NAALADL2: variants seen among roughly 807,000 people sequenced by gnomAD.
NAALADL2 encodes the protein N-acetylated alpha-linked acidic dipeptidase like 2, also known as inactive N-acetylated-alpha-linked acidic dipeptidase-like protein 2.
NAALADL2 carries 76 observed loss-of-function variants against 87.2 expected under a neutral mutation model. That is an observed-to-expected ratio of 0.87 (90% CI 0.72 to 1.05). NAALADL2 has a LOEUF of 1.05. Among genes scored for constraint, NAALADL2 ranks in the 50% least tolerant of loss-of-function variants. NAALADL2 has a pLI of 0.00. For synonymous variants in NAALADL2, 354 were observed against 331.0 expected, an observed-to-expected ratio of 1.07 and a Z score of -0.75; for missense variants, 1,089 against 945.8, an observed-to-expected ratio of 1.15 and a Z score of -1.99.
At chr3:175,317,345 G>A (rs553157383) in intron 4 of NAALADL2, among the ~76,000 whole-genome samples, 2 of 112,054 alleles carry the variant, frequency 1.8e-5, no homozygotes, top group East Asian at 3.8e-4. Context: ...AGCAGGGTTA[G>A]CACATTAAAA....
intron 4 of NAALADL2, among the ~76,000 whole-genome samples, chr3:175,278,453 C>G (rs919139692): frequency 1.3e-5 from 2 of 152,062 alleles, no homozygotes; most frequent in Non-Finnish European, 2.9e-5. Flanking sequence ...ATTTGAAGTT[C>G]AAAAGAACAA....
At chr3:174,583,509 C>G (rs536505443) in intron 2 of NAALADL2, among the ~76,000 whole-genome samples, 1 of 152,218 alleles carries the variant, frequency 6.6e-6, no homozygotes, top group African/African-American at 2.4e-5. Flanking sequence ...AATATAGAAC[C>G]TATCCAAGGT....
At chr3:175,175,153 A>G (rs1735526683) in intron 2 of NAALADL2, among the ~76,000 whole-genome samples, 1 of 152,036 alleles carries the variant, frequency 6.6e-6, no homozygotes, top group East Asian at 1.9e-4. Flanking sequence ...TGTAATATAA[A>G]TGTGCAGAGC....
intron 13 of NAALADL2, among the ~76,000 whole-genome samples, chr3:175,755,964 G>A (rs1055374961): frequency 6.6e-5 from 10 of 152,092 alleles, no homozygotes; most frequent in Non-Finnish European, 1.0e-4. Context: ...ATGGAAGGTG[G>A]ATTAGATACA....
At chr3:174,450,024 C>T (rs1161260053) in intron 1 of NAALADL2, among the ~76,000 whole-genome samples, 1 of 144,468 alleles carries the variant, frequency 6.9e-6, no homozygotes, top group South Asian at 2.2e-4. Flanking sequence ...CATACATACA[C>T]ACACACACAC....
At chr3:175,639,791 G>C (rs1729053253) in intron 11 of NAALADL2, among the ~76,000 whole-genome samples, 1 of 152,090 alleles carries the variant, frequency 6.6e-6, no homozygotes, top group Admixed American at 6.5e-5. Flanking sequence ...GTTACAGTGG[G>C]TACTTTAACT....
intron 2 of NAALADL2, among the ~76,000 whole-genome samples, chr3:175,187,892 TGTAA>T (rs1193899299): frequency 2.0e-5 from 3 of 152,176 alleles, no homozygotes; most frequent in South Asian, 4.1e-4. Context: ...TAATGAGAAG[TGTAA>T]GTGTTTTAAT....
chr3:175,429,022 G>T (rs986604238), intron 5 of NAALADL2, among the ~76,000 whole-genome samples: 10 of 152,014 alleles, frequency 6.6e-5, no homozygotes, highest in East Asian at 3.9e-4. Flanking sequence ...AATGATATTG[G>T]TTTTTTCTGG....
intron 5 of NAALADL2, among the ~76,000 whole-genome samples, chr3:175,358,139 A>G (rs961355335): frequency 1.3e-5 from 2 of 152,174 alleles, no homozygotes; most frequent in African/African-American, 2.4e-5. Flanking sequence ...GAGCTAAGCA[A>G]TAGAAGAAAT....
intron 2 of NAALADL2, among the ~76,000 whole-genome samples, chr3:175,156,343 G>T (rs1305513886): frequency 4.0e-5 from 5 of 124,462 alleles, no homozygotes; most frequent in Non-Finnish European, 9.4e-5. Context: ...CTACCTCAGT[G>T]TAGATAGTAT....
chr3:175,454,296 T>C (rs1722010243), intron 6 of NAALADL2, among the ~76,000 whole-genome samples: 1 of 152,090 alleles, frequency 6.6e-6, no homozygotes, highest in South Asian at 2.1e-4. Flanking sequence ...TAAATTTTTC[T>C]CTCTACTATT....
chr3:175,780,230 C>G (rs1243018863), intron 13 of NAALADL2, among the ~76,000 whole-genome samples: 2 of 151,268 alleles, frequency 1.3e-5, no homozygotes, highest in Non-Finnish European at 2.9e-5. Flanking sequence ...GAGCCGAGAT[C>G]GCGCCACTGC....
intron 4 of NAALADL2, among the ~76,000 whole-genome samples, chr3:175,287,989 C>T (rs1180710978): frequency 6.6e-6 from 1 of 152,100 alleles, no homozygotes; most frequent in African/African-American, 2.4e-5. Flanking sequence ...ACTAACATTG[C>T]ATGTTTATAT....
At chr3:175,623,278 G>A (rs532958322) in intron 10 of NAALADL2, among the ~76,000 whole-genome samples, 1 of 74,454 alleles carries the variant, frequency 1.3e-5, no homozygotes, top group Non-Finnish European at 3.2e-5. Flanking sequence ...AGTTAATACA[G>A]CTTTTATTTG....
intron 1 of NAALADL2, among the ~76,000 whole-genome samples, chr3:174,871,623 G>A (rs546823191): frequency 2.0e-5 from 3 of 152,318 alleles, no homozygotes; most frequent in South Asian, 4.1e-4. Context: ...ACTTGGCCGG[G>A]CACAGTGGCT....
At chr3:175,641,298 C>A (rs1211950515) in intron 11 of NAALADL2, among the ~76,000 whole-genome samples, 2 of 152,168 alleles carry the variant, frequency 1.3e-5, no homozygotes, top group Non-Finnish European at 2.9e-5. Context: ...CTTCAAAGGT[C>A]TTACTTTTTG....
chr3:175,605,218 G>T (rs10936859), intron 10 of NAALADL2, among the ~76,000 whole-genome samples: 113,871 of 152,044 alleles, frequency 0.75, 42,843 homozygotes, highest in East Asian at 0.88. Context: ...ACTCCTTTAG[G>T]GTCTTTCCTT....
At chr3:175,549,640 C>T (rs1431186855) in intron 9 of NAALADL2, among the ~76,000 whole-genome samples, 1 of 151,882 alleles carries the variant, frequency 6.6e-6, no homozygotes, top group Non-Finnish European at 1.5e-5. Context: ...TTCTCATTTT[C>T]TTATTGTGAA....
chr3:175,199,870 T>G (rs1435757785), intron 2 of NAALADL2, among the ~76,000 whole-genome samples: 2 of 20,908 alleles, frequency 9.6e-5, no homozygotes, highest in African/African-American at 3.9e-4. Context: ...ATATATTTTT[T>G]TTTTTTTTTT....
Sources: gnomAD v4.1 joint callset for allele counts (sites outside exome capture counted in the v4.1 genomes callset) on GRCh38, gnomAD v4.1.1 for gene constraint, MANE v1.5 for transcripts, NCBI Gene and HGNC (gene_info 2026-07-23, HGNC 2026-07-21) for gene names.